The following RETREG1 variants were observed in gnomAD, a reference collection of about 807,000 sequenced individuals.
The protein encoded by RETREG1 is reticulophagy regulator 1, also known as family with sequence similarity 134 member B.
A neutral mutation model predicts 54.8 loss-of-function variants in RETREG1; 44 were observed. The ratio of observed to expected loss-of-function variants is 0.80; its 90% CI spans 0.63 to 1.03. The LOEUF is 1.03. Among genes scored for constraint, RETREG1 ranks in the 50% least tolerant of loss-of-function variants. The pLI is 0.00. For missense variants in RETREG1, 554 were observed against 605.1 expected (o/e 0.92, Z 0.89); for synonymous variants, 217 against 238.5 (o/e 0.91, Z 0.83).
Position 16,573,000 on chromosome 5 carries a change from T to C in RETREG1, c.321-898A>G, listed in dbSNP as rs186176314. On this transcript the variant is annotated intron_variant, in intron 1 of 8. Transcript: ENST00000306320. ...GAGATTGAGACCATCCTGGCCAACA[T>C]GGTGAAACCCCGTCTCTACTAAAAA... Among the ~76,000 whole-genome samples the C allele has an allele frequency of 9.7e-3, 1,481 of 151,930 alleles. 13 individuals are homozygous for C. The highest frequency in any genetic ancestry group is 0.015 in the Non-Finnish European group (1,031 of 67,926).
At chr5:16,568,796 C>T (rs1211476509) in intron 2 of RETREG1, among the ~76,000 whole-genome samples, 1 of 151,972 alleles carries the variant, frequency 6.6e-6, no homozygotes, top group Admixed American at 6.6e-5. Flanking sequence ...GCACGGGAAA[C>T]AATACTGTAC....
intron 8 of RETREG1, among the ~76,000 whole-genome samples, chr5:16,475,805 A>G (rs1420391814): frequency 2.6e-5 from 4 of 152,294 alleles, no homozygotes; most frequent in African/African-American, 9.6e-5. Flanking sequence ...TTGGCTCTCT[A>G]TAACTATAGC....
At chr5:16,545,260 C>T (rs1329689678) in intron 3 of RETREG1, among the ~76,000 whole-genome samples, 1 of 152,062 alleles carries the variant, frequency 6.6e-6, no homozygotes, top group Non-Finnish European at 1.5e-5. Flanking sequence ...TTTGAAATTC[C>T]TAACCATACC....
At chr5:16,583,769 T>C (rs574430652) in intron 1 of RETREG1, among the ~76,000 whole-genome samples, 8 of 152,308 alleles carry the variant, frequency 5.3e-5, no homozygotes, top group Non-Finnish European at 8.8e-5. Context: ...TTTTGTACTA[T>C]GAAATGAATG....
At chr5:16,534,934 G>A (rs2126598984) in intron 3 of RETREG1, among the ~76,000 whole-genome samples, 1 of 152,298 alleles carries the variant, frequency 6.6e-6, no homozygotes, top group East Asian at 1.9e-4. Flanking sequence ...AGGCACAGAG[G>A]TAAGCCCTGG....
intron 1 of RETREG1, among the ~76,000 whole-genome samples, chr5:16,573,466 A>G (rs1471124208): frequency 1.3e-5 from 2 of 152,188 alleles, no homozygotes; most frequent in Admixed American, 1.3e-4. Flanking sequence ...TGATAGAATC[A>G]GAACTCATAG....
chr5:16,507,595 TAGGA>T (rs1055188435), intron 3 of RETREG1, among the ~76,000 whole-genome samples: 7 of 152,314 alleles, frequency 4.6e-5, no homozygotes, highest in African/African-American at 1.7e-4. Context: ...GTTGATGTAC[TAGGA>T]AGGAACTTGT....
chr5:16,570,610 T>A (rs1742147239), intron 2 of RETREG1, among the ~76,000 whole-genome samples: 1 of 152,082 alleles, frequency 6.6e-6, no homozygotes, highest in Non-Finnish European at 1.5e-5. Flanking sequence ...CTGTAGAGGG[T>A]GAACATATTA....
At chr5:16,481,183 T>C in intron 4 of RETREG1, 90 bp from the exon 5 acceptor site, 1 of 989,038 alleles carries the variant, frequency 1.0e-6, no homozygotes, top group Non-Finnish European at 1.6e-6. Flanking sequence ...AAATCTATAG[T>C]GACCGGTATA....
chr5:16,489,864 A>G (rs1337540547), intron 3 of RETREG1, among the ~76,000 whole-genome samples: 2 of 152,224 alleles, frequency 1.3e-5, no homozygotes, highest in Admixed American at 6.5e-5. Context: ...ATATATGAGG[A>G]GAGCTTGTTA....
chr5:16,501,398 C>A (rs1369625527), intron 3 of RETREG1, among the ~76,000 whole-genome samples: 1 of 152,128 alleles, frequency 6.6e-6, no homozygotes, highest in Non-Finnish European at 1.5e-5. Context: ...TGGTTAAAAT[C>A]GTTCAGTGTT....
chr5:16,573,583 C>T (rs935589957), intron 1 of RETREG1, among the ~76,000 whole-genome samples: 13 of 152,176 alleles, frequency 8.5e-5, no homozygotes, highest in Admixed American at 1.3e-4. Context: ...CAGACAAACA[C>T]AGGCCAAGCT....
Position 16,593,603 on chromosome 5 carries a change from A to G in RETREG1, c.321-21501T>C, listed in dbSNP as rs1742831289. On this transcript the variant is annotated intron_variant, in intron 1 of 8. Coordinates refer to ENST00000306320, the MANE Select transcript of RETREG1 (RefSeq NM_001034850.3). This position sits in a 1 kb window ranked among gnomAD's most constrained non-coding sequence, Gnocchi z 4.9. ...AAAAAAAACTATGGGGAACATTAAA[A>G]TGTCTATACCATTTTTATTAAAGAC... Among the ~76,000 whole-genome samples, 1 of 152,202 alleles carries G rather than the reference A, an allele frequency of 6.6e-6. No individual in the cohort carries two copies. The highest frequency in any genetic ancestry group is 1.5e-5 in the Non-Finnish European group (1 of 68,032).
intron 1 of RETREG1, among the ~76,000 whole-genome samples, chr5:16,605,910 T>C (rs1056744803): frequency 2.0e-5 from 3 of 152,114 alleles, no homozygotes; most frequent in Admixed American, 6.5e-5. Context: ...TTAAAACTAA[T>C]GCACTGGGGA....
At chr5:16,477,568 G>GGTCGCC in intron 8 of RETREG1, 94 bp downstream of exon 8, 1 of 1,089,458 alleles carries the variant, frequency 9.2e-7, no homozygotes, top group Non-Finnish European at 1.4e-6. Flanking sequence ...TAGATATGGT[G>GGTCGCC]GTAACATGTT....
intron 3 of RETREG1, among the ~76,000 whole-genome samples, chr5:16,488,179 G>A (rs1231894100): frequency 1.3e-5 from 2 of 152,218 alleles, no homozygotes; most frequent in Admixed American, 6.5e-5. Context: ...TAAAGAGGAG[G>A]GAGACTTCTG....
At chr5:16,571,755 C>T (rs528600512) in intron 2 of RETREG1, among the ~76,000 whole-genome samples, 5 of 152,124 alleles carry the variant, frequency 3.3e-5, no homozygotes, top group African/African-American at 4.8e-5. Flanking sequence ...TAAATACCAA[C>T]GTGGTATTTA....
intron 3 of RETREG1, among the ~76,000 whole-genome samples, chr5:16,501,840 C>A (rs1260611568): frequency 6.6e-6 from 1 of 151,754 alleles, no homozygotes; most frequent in Admixed American, 6.6e-5. Flanking sequence ...CCACCACGCC[C>A]AGCCTGGCCT....
At chr5:16,479,270 A>G (rs1027601011) in intron 5 of RETREG1, among the ~76,000 whole-genome samples, 5 of 151,958 alleles carry the variant, frequency 3.3e-5, no homozygotes, top group Admixed American at 1.3e-4. Flanking sequence ...ACAAACACAC[A>G]CATGCATACC....
Sources: gnomAD v4.1 joint callset for allele counts (sites outside exome capture counted in the v4.1 genomes callset) on GRCh38, gnomAD v4.1.1 for gene constraint, Gnocchi (gnomAD v3.1) non-coding constraint, MANE v1.5 for transcripts, NCBI Gene and HGNC (gene_info 2026-07-23, HGNC 2026-07-21) for gene names.